The following SLC2A13 variants were observed in gnomAD, a reference collection of about 807,000 sequenced individuals.
The protein encoded by SLC2A13 is proton myo-inositol cotransporter.
A neutral mutation model predicts 64.4 loss-of-function variants in SLC2A13; 32 were observed. The observed-to-expected ratio is 0.50, with a 90% CI of 0.37 to 0.67. SLC2A13 has a LOEUF of 0.67. SLC2A13 is among the 30% of genes least tolerant of loss of function. The pLI, the probability that SLC2A13 is intolerant of heterozygous loss-of-function variation, is 0.00. For missense variants in SLC2A13, 743 were observed against 829.2 expected, an observed-to-expected ratio of 0.90 and a Z score of 1.28; for synonymous variants, 338 against 327.1, an observed-to-expected ratio of 1.03 and a Z score of -0.36.
At chr12:40,056,042 A>G (rs1948329058) in intron 1 of SLC2A13, among the ~76,000 whole-genome samples, 1 of 151,822 alleles carries the variant, frequency 6.6e-6, no homozygotes, top group African/African-American at 2.4e-5. Context: ...AACAAAACAC[A>G]TCTCTACAGA....
chr12:39,863,255 C>T (rs995618337), intron 6 of SLC2A13, among the ~76,000 whole-genome samples: 5 of 152,096 alleles, frequency 3.3e-5, no homozygotes, highest in African/African-American at 1.2e-4. Context: ...TGATCATAAA[C>T]TGCTGTGCAG....
intron 7 of SLC2A13, among the ~76,000 whole-genome samples, chr12:39,804,474 C>T (rs1450947546): frequency 6.6e-6 from 1 of 152,106 alleles, no homozygotes; most frequent in Non-Finnish European, 1.5e-5. Flanking sequence ...TAATAATAAC[C>T]TGTCAAAACC....
intron 3 of SLC2A13, among the ~76,000 whole-genome samples, chr12:39,954,346 G>A (rs937552530): frequency 7.9e-6 from 1 of 125,976 alleles, no homozygotes; most frequent in African/African-American, 2.7e-5. Flanking sequence ...AGGGAGGATA[G>A]ATTCAGAGAG....
chr12:40,010,622 T>C (rs1332918489), intron 3 of SLC2A13, among the ~76,000 whole-genome samples: 1 of 152,244 alleles, frequency 6.6e-6, no homozygotes, highest in Non-Finnish European at 1.5e-5. Context: ...TTTAAAACCA[T>C]CTTGCCCACA....
chr12:39,845,558 G>T (rs745507812), intron 6 of SLC2A13, among the ~76,000 whole-genome samples: 16 of 152,086 alleles, frequency 1.1e-4, no homozygotes, highest in Non-Finnish European at 1.8e-4. Context: ...TGAATGTGGA[G>T]GACAAAGTGA....
intron 3 of SLC2A13, among the ~76,000 whole-genome samples, chr12:39,996,713 C>G (rs1167464071): frequency 1.3e-5 from 2 of 152,182 alleles, no homozygotes; most frequent in African/African-American, 4.8e-5. Flanking sequence ...AATCTTCAAG[C>G]CTTGGCACCT....
chr12:40,008,779 C>T lies in SLC2A13; in HGVS notation c.925+19522G>A, dbSNP rs187479116. Among the ~76,000 whole-genome samples, 54 of 152,232 alleles carry T rather than the reference C, an allele frequency of 3.5e-4. No individual in the cohort carries two copies. The East Asian group carries it at 8.7e-3, about 24-fold the overall frequency. On this transcript the variant is annotated intron_variant, in intron 3 of 9. Transcript: ENST00000280871. ...TGGAAACAAATGAACTAAAATAACA[C>T]TATAACACCATGAGATAAATGGTTG...
At chr12:40,005,911 C>T (rs865793472) in intron 3 of SLC2A13, among the ~76,000 whole-genome samples, 4 of 152,160 alleles carry the variant, frequency 2.6e-5, no homozygotes, top group East Asian at 3.9e-4. Context: ...AAGCTTCCAA[C>T]GTAAGGCCCT....
intron 7 of SLC2A13, among the ~76,000 whole-genome samples, chr12:39,823,367 A>G (rs1942578618): frequency 6.6e-6 from 1 of 152,172 alleles, no homozygotes; most frequent in Non-Finnish European, 1.5e-5. Context: ...TGAGTACCTT[A>G]AGATACTGAT....
At chr12:39,809,998 T>A (rs1942100329) in intron 7 of SLC2A13, among the ~76,000 whole-genome samples, 1 of 152,202 alleles carries the variant, frequency 6.6e-6, no homozygotes, top group Admixed American at 6.5e-5. Flanking sequence ...GCAGCATGAT[T>A]TATAATCCTT....
intron 1 of SLC2A13, among the ~76,000 whole-genome samples, chr12:40,073,169 C>T (rs1428999214): frequency 6.6e-6 from 1 of 152,002 alleles, no homozygotes; most frequent in Non-Finnish European, 1.5e-5. Flanking sequence ...CCATCCATCC[C>T]TTGTATAATT....
At chr12:39,812,337 TTTTTCTTTTC>T (rs151097142) in intron 7 of SLC2A13, among the ~76,000 whole-genome samples, 7,886 of 135,172 alleles carry the variant, frequency 0.058, 250 homozygotes, top group South Asian at 0.11. Flanking sequence ...ACTAATTTCT[TTTTTCTTTTC>T]TTTTCTTTTC....
At chr12:39,959,805 C>T (rs1432660722) in intron 3 of SLC2A13, among the ~76,000 whole-genome samples, 2 of 152,028 alleles carry the variant, frequency 1.3e-5, no homozygotes, top group Non-Finnish European at 2.9e-5. Context: ...AAATAATTTT[C>T]TTTTTAAAAA....
intron 4 of SLC2A13, among the ~76,000 whole-genome samples, chr12:39,947,176 A>C (rs1388301217): frequency 3.9e-5 from 6 of 152,254 alleles, no homozygotes; most frequent in Non-Finnish European, 7.3e-5. Flanking sequence ...CTCTGCAAGG[A>C]GAGTGGCTAA....
At chr12:39,767,146 A>G (rs1196892060) in intron 7 of SLC2A13, among the ~76,000 whole-genome samples, 1 of 152,062 alleles carries the variant, frequency 6.6e-6, no homozygotes, top group African/African-American at 2.4e-5. Flanking sequence ...TTTTTAAATA[A>G]TAAGACTTGA....
chr12:40,071,627 C>T (rs991549370), intron 1 of SLC2A13, among the ~76,000 whole-genome samples: 1 of 152,126 alleles, frequency 6.6e-6, no homozygotes, highest in African/African-American at 2.4e-5. Flanking sequence ...GTAAACCCAT[C>T]TGAACCTGGT....
rs1454023819 is a variant in SLC2A13 at position 40,105,818 on chromosome 12, G to T, written c.-10C>A. On this transcript the variant is annotated 5_prime_UTR_variant, in exon 1 of 10. Transcript: ENST00000280871. The surrounding 1 kb of genome is among the most constrained non-coding windows in gnomAD (Gnocchi z 4.2). The stretch of plus-strand genomic sequence containing the variant: ...TTGCCTTGCGGGACATAGGGCAGGG[G>T]CCCGGGGCTGCCCGGGGGGACGCGG... The T allele has an allele frequency of 7.7e-6, 11 of 1,421,750 alleles. No individual in the cohort carries two copies. Among genetic ancestry groups the T allele is most frequent in the Non-Finnish European group, 8.3e-6 (9 of 1,087,100 alleles). The allele number at this position is 1,421,750 out of a possible 1,614,324, so 88.1% of individuals were successfully genotyped here. A position where few individuals can be genotyped will look rare whatever the true frequency, so the allele number is the denominator to read the frequency against.
chr12:40,043,056 T>C (rs1330211435), intron 2 of SLC2A13, among the ~76,000 whole-genome samples: 2 of 151,726 alleles, frequency 1.3e-5, no homozygotes, highest in South Asian at 2.1e-4. Context: ...GCAACACTAG[T>C]TAGAAGAATC....
At chr12:39,889,737 G>C (rs183600822) in intron 4 of SLC2A13, among the ~76,000 whole-genome samples, 1 of 151,772 alleles carries the variant, frequency 6.6e-6, no homozygotes, top group African/African-American at 2.4e-5. Context: ...TCACCATGTT[G>C]GCCAGGATGG....
Sources: gnomAD v4.1 joint callset for allele counts (sites outside exome capture counted in the v4.1 genomes callset) on GRCh38, gnomAD v4.1.1 for gene constraint, Gnocchi (gnomAD v3.1) non-coding constraint, MANE v1.5 for transcripts, NCBI Gene and HGNC (gene_info 2026-07-23, HGNC 2026-07-21) for gene names.